RNF41: variants seen among roughly 807,000 people sequenced by gnomAD.
RNF41 encodes ring finger protein 41.
A neutral mutation model predicts 33.0 loss-of-function variants in RNF41; 4 were observed. The ratio of observed to expected loss-of-function variants is 0.12; its 90% confidence interval spans 0.06 to 0.28. The LOEUF is 0.28. RNF41 is among the 10% of genes least tolerant of loss of function. RNF41 has a pLI of 1.00. For synonymous variants in RNF41, 164 were observed against 153.2 expected (o/e 1.07, Z -0.52); for missense variants, 228 against 432.6 (o/e 0.53, Z 4.19).
Position 56,210,409 on chromosome 12 carries a change from C to T in RNF41, c.250G>A (p.Asp84Asn). 2 of 1,614,200 alleles carry T rather than the reference C, an allele frequency of 1.2e-6. No homozygotes were observed. The highest frequency in any genetic ancestry group is 1.7e-6 in the Non-Finnish European group (2 of 1,180,038). Residue 84 changes from aspartate (D) to asparagine (N), a missense_variant, in exon 4 of 7, where the codon GAC (aspartate) becomes AAC (asparagine). Physicochemically the swap from Asp to Asn is conservative, Grantham distance 23 (BLOSUM62 1). Transcript: ENST00000345093. ...GCACTACAGCCGAACACAGCGTTGT[C>T]ACAGGCAATCTGCAGCTTTGACAAC... Reference protein sequence around the residue: ...NMLSKLQIACDNAVFGCSAVV... With the variant: ...NMLSKLQIACNNAVFGCSAVV...
At chr12:56,208,421 A>G (rs556707711) in intron 4 of RNF41, 123 bp from the exon 5 acceptor site, 3 of 947,492 alleles carry the variant, frequency 3.2e-6, no homozygotes, top group East Asian at 2.6e-5. Flanking sequence ...TCTAACATTC[A>G]TTTCAGGCCT....
intron 2 of RNF41, among the ~76,000 whole-genome samples, chr12:56,215,192 G>C (rs866312805): frequency 1.3e-5 from 2 of 152,344 alleles, no homozygotes; most frequent in African/African-American, 4.8e-5. Flanking sequence ...GGCCTGTCAA[G>C]AGACAAGGCT....
Position 56,206,942 on chromosome 12 carries a change from C to A in RNF41, c.603-144G>T. 1 of 934,360 alleles carries A rather than the reference C, an allele frequency of 1.1e-6. No individual in the cohort carries two copies. Among genetic ancestry groups the A allele is most frequent in the Non-Finnish European group, 1.6e-6 (1 of 641,996 alleles). The allele number at this position is 934,360 out of a possible 1,614,324, so 57.9% of individuals were successfully genotyped here. On this transcript the variant is annotated intron_variant, in intron 6 of 6. Coordinates refer to ENST00000345093, the MANE Select transcript of RNF41 (RefSeq NM_005785.4). This position sits in a 1 kb window ranked among gnomAD's most constrained non-coding sequence, Gnocchi z 5.7. ...CCTTCCATCATTGGCTCAGAAACCC[C>A]AAATCTTTCCCCACTTGGTCCCAAC...
intron 3 of RNF41, chr12:56,213,004 C>T (rs1233300567): frequency 7.8e-6 from 10 of 1,289,784 alleles, no homozygotes; most frequent in East Asian, 1.1e-4. Context: ...GCCTGGTAAT[C>T]GTGAGCTTCT....
chr12:56,208,190 A>G lies in RNF41; in HGVS notation c.471T>C (p.Ala157=). ...TRIAELEKTS[A]EHKHQLAEQK... ...GCTCCGCCAGCTGGTGTTTGTGTTC[A>G]GCTGACGTCTTCTCCAGCTCTGCGA... Residue 157 remains alanine, a synonymous_variant, in exon 5 of 7, where the codon GCT becomes GCC. Transcript: ENST00000345093. 1 of 1,614,190 alleles carries G rather than the reference A, an allele frequency of 6.2e-7. No homozygotes were observed. Among genetic ancestry groups the G allele is most frequent in the East Asian group, 2.2e-5 (1 of 44,890 alleles).
intron 1 of RNF41, among the ~76,000 whole-genome samples, chr12:56,218,281 A>G (rs920707003): frequency 6.6e-6 from 1 of 151,714 alleles, no homozygotes; most frequent in African/African-American, 2.4e-5. Flanking sequence ...TTTTTTTGAG[A>G]TAGGGTCTTG....
chr12:56,208,802 G>A (rs1018221611), intron 4 of RNF41, among the ~76,000 whole-genome samples: 7 of 151,096 alleles, frequency 4.6e-5, no homozygotes, highest in Admixed American at 6.6e-5. Flanking sequence ...CTGGCCTCAC[G>A]TGATCTGCCC....
intron 3 of RNF41, chr12:56,212,858 G>T: frequency 1.6e-6 from 1 of 609,926 alleles, no homozygotes; most frequent in Non-Finnish European, 2.6e-6. Flanking sequence ...GTCCTGGTTT[G>T]GAAAATGTGA....
chr12:56,221,284 G>C (rs777315691), intron 1 of RNF41, among the ~76,000 whole-genome samples: 3 of 152,142 alleles, frequency 2.0e-5, no homozygotes, highest in East Asian at 1.9e-4. Flanking sequence ...GGGCTGGGAG[G>C]GGGTGAGGAG....
Position 56,207,675 on chromosome 12 carries a change from C to T in RNF41, c.573G>A (p.Glu191=). ...GGATCTCGTTGTATTCAATTGTCTC[C>T]TCCAGGTTCTGAAGGTTGGGGTTGA... ...RSVNPNLQNL[E]ETIEYNEILE... Residue 191 remains glutamate, a synonymous_variant, in exon 6 of 7, where the codon GAG becomes GAA. Coordinates refer to ENST00000345093, the MANE Select transcript of RNF41 (RefSeq NM_005785.4). 2 of 1,614,084 alleles carry T rather than the reference C, an allele frequency of 1.2e-6. No individual in the cohort carries two copies. The highest frequency in any genetic ancestry group is 1.7e-5 in the Admixed American group (1 of 60,020).
chr12:56,207,073 A>G (rs1401438319), intron 6 of RNF41: 4 of 1,339,884 alleles, frequency 3.0e-6, no homozygotes, highest in Non-Finnish European at 3.9e-6. Context: ...CGCCTAACAC[A>G]GTTAGTGCTC....
At chr12:56,214,102 C>T in intron 2 of RNF41, 32 bp from the exon 3 acceptor site, 1 of 1,110,240 alleles carries the variant, frequency 9.0e-7, no homozygotes, top group Non-Finnish European at 1.4e-6. Flanking sequence ...GAGGCCAGTT[C>T]AGAAGAAGCC....
chr12:56,220,673 C>G (rs1214645593), intron 1 of RNF41, among the ~76,000 whole-genome samples: 1 of 150,276 alleles, frequency 6.7e-6, no homozygotes, highest in African/African-American at 2.5e-5. Flanking sequence ...AGAGGTGGCA[C>G]TGAGCCGAGA....
Position 56,208,271 on chromosome 12 carries a change from G to A in RNF41, c.390C>T (p.Pro130=). Reference sequence around the variant, plus strand: ...GCAGGTGCTTAATGCAGTTATGGTTGGGCAGCTCATCTTTGGGCATCTCCA... The same window carrying A: ...GCAGGTGCTTAATGCAGTTATGGTTAGGCAGCTCATCTTTGGGCATCTCCA... ...CGLEMPKDEL[P]NHNCIKHLRS... is the part of the protein sequence containing the mutation. The change falls in exon 5 of 7, where the codon CCC becomes CCT. Residue 130 remains proline, a synonymous_variant. Coordinates refer to ENST00000345093, the MANE Select transcript of RNF41 (RefSeq NM_005785.4). The A allele has an allele frequency of 6.2e-7, 1 of 1,614,144 alleles. No individual in the cohort carries two copies. Among genetic ancestry groups the A allele is most frequent in the East Asian group, 2.2e-5 (1 of 44,890 alleles).
chr12:56,210,220 G>A (rs920010709), intron 4 of RNF41, 77 bp downstream of exon 4: 73 of 1,498,846 alleles, frequency 4.9e-5, no homozygotes, highest in Non-Finnish European at 6.5e-5. Flanking sequence ...TCCTCAGCTA[G>A]TGAGGAGGGC....
chr12:56,218,162 C>T (rs1383346100), intron 1 of RNF41, among the ~76,000 whole-genome samples: 1 of 151,720 alleles, frequency 6.6e-6, no homozygotes, highest in Admixed American at 6.6e-5. Flanking sequence ...CCATGTTGGC[C>T]AGGCTGGTCT....
At chr12:56,219,201 T>A (rs1417030250) in intron 1 of RNF41, among the ~76,000 whole-genome samples, 1 of 149,580 alleles carries the variant, frequency 6.7e-6, no homozygotes, top group Admixed American at 6.6e-5. Flanking sequence ...ATTTATTTAT[T>A]TTTTTTTTGA....
chr12:56,206,509 C>G lies in RNF41; in HGVS notation c.892G>C (p.Asp298His). The G allele has an allele frequency of 6.2e-7, 1 of 1,614,218 alleles. No homozygotes were observed. The change falls in exon 7 of 7, where the codon GAT (aspartate) becomes CAT (histidine). Residue 298 changes from aspartate (D) to histidine (H), a missense_variant. This residue lies in a region of RNF41 where 199 missense variants were observed against 334.6 expected (regional missense o/e 0.59). Coordinates refer to ENST00000345093, the MANE Select transcript of RNF41 (RefSeq NM_005785.4). This position sits in a 1 kb window ranked among gnomAD's most constrained non-coding sequence, Gnocchi z 5.7. ...VMACENQHMG[D>H]DMVQEPGLVM... ...AGGCCTGGCTCTTGCACCATGTCAT[C>G]CCCCATGTGCTGGTTCTCACAGGCC...
chr12:56,220,713 A>G (rs1869329127), intron 1 of RNF41, among the ~76,000 whole-genome samples: 1 of 151,422 alleles, frequency 6.6e-6, no homozygotes, highest in South Asian at 2.1e-4. Context: ...CGTGGGTGAC[A>G]GAGTGAGACT....
Sources: allele counts gnomAD v4.1 joint callset (sites outside exome capture counted in the v4.1 genomes callset), GRCh38; gene constraint gnomAD v4.1.1; regional missense constraint gnomAD v4.1.1; non-coding constraint Gnocchi (gnomAD v3.1); transcripts MANE v1.5; gene names NCBI Gene and HGNC (gene_info 2026-07-23, HGNC 2026-07-21).